The following MGST1 variants were observed in gnomAD, a reference collection of about 807,000 sequenced individuals.
The protein encoded by MGST1 is microsomal glutathione S-transferase 1, also known as glutathione S-transferase 12.
In MGST1, 5 loss-of-function variants were observed where a neutral mutation model predicts 8.9. That is an observed-to-expected ratio of 0.56 (90% CI 0.29 to 1.19). The LOEUF (loss-of-function observed/expected upper bound fraction) is 1.19. Among genes scored for constraint, MGST1 ranks in the 50% most tolerant of loss-of-function variants. The pLI is 0.08. For missense variants in MGST1, 182 were observed against 187.4 expected, an observed-to-expected ratio of 0.97 and a Z score of 0.17; for synonymous variants, 54 against 67.8, an observed-to-expected ratio of 0.80 and a Z score of 1.00.
intron 4 of MGST1, among the ~76,000 whole-genome samples, chr12:16,579,209 T>C (rs1047215441): frequency 6.6e-6 from 1 of 152,192 alleles, no homozygotes; most frequent in African/African-American, 2.4e-5. Flanking sequence ...ATAATTTAGA[T>C]ATTTAGGGTA....
At chr12:16,549,292 A>G (rs1194102925) in intron 4 of MGST1, 2 of 152,136 alleles carry the variant, frequency 1.3e-5, no homozygotes, top group East Asian at 3.8e-4. Flanking sequence ...TGGGCCCCAA[A>G]TAGCTACTTT....
At chr12:16,415,052 A>G (rs932440218) in intron 1 of MGST1, among the ~76,000 whole-genome samples, 9 of 152,098 alleles carry the variant, frequency 5.9e-5, no homozygotes, top group African/African-American at 1.7e-4. Context: ...GATAATTACT[A>G]TATGCTTTAG....
At chr12:16,399,243 GAAGA>G (rs1940631925) in intron 1 of MGST1, 1 of 1,578,936 alleles carries the variant, frequency 6.3e-7, no homozygotes, top group East Asian at 2.2e-5. Context: ...TTGGCTAGAG[GAAGA>G]AAGGAGCTCA....
At position 16,401,881 on chromosome 12, in the gene MGST1, T is replaced by G. The variant is rs1940657878; in HGVS notation, n.778+18277T>G. ...ATGCCAGCTGCTTTCTTCATTAATTTGAGCTCCCCATCCTCCCTTACAGCG... is the reference window on the plus strand; with the variant it reads ...ATGCCAGCTGCTTTCTTCATTAATTGGAGCTCCCCATCCTCCCTTACAGCG... On this transcript the variant is annotated intron_variant and non_coding_transcript_variant, in intron 1 of 1. Coordinates refer to the MGST1 transcript ENST00000359720. The surrounding 1 kb of genome is among the most constrained non-coding windows in gnomAD (Gnocchi z 4.3). 5 of 1,603,886 alleles carry G rather than the reference T, an allele frequency of 3.1e-6. No homozygotes were observed. The highest frequency in any genetic ancestry group is 4.3e-6 in the Non-Finnish European group (5 of 1,170,664).
chr12:16,505,522 A>C (rs1349945032), intron 4 of MGST1, among the ~76,000 whole-genome samples: 2 of 152,024 alleles, frequency 1.3e-5, no homozygotes, highest in Non-Finnish European at 2.9e-5. Flanking sequence ...CAGACTAAAA[A>C]CCCCTACGTA....
At chr12:16,488,345 C>T (rs2137153411) in intron 4 of MGST1, among the ~76,000 whole-genome samples, 1 of 152,146 alleles carries the variant, frequency 6.6e-6, no homozygotes, top group East Asian at 1.9e-4. Flanking sequence ...GGCCTCAGTT[C>T]CACCCTCCCT....
intron 4 of MGST1, among the ~76,000 whole-genome samples, chr12:16,475,570 G>A (rs903868059): frequency 6.6e-6 from 1 of 152,164 alleles, no homozygotes; most frequent in African/African-American, 2.4e-5. Context: ...CAGGTTTATA[G>A]TTCTGTTATT....
chr12:16,472,433 G>GC (rs1555105973), intron 4 of MGST1, among the ~76,000 whole-genome samples: 1 of 129,718 alleles, frequency 7.7e-6, no homozygotes, highest in Non-Finnish European at 1.7e-5. Flanking sequence ...CCTTCCTTCT[G>GC]TTTTTTTTTT....
chr12:16,414,361 T>TC (rs1940767392), intron 1 of MGST1, among the ~76,000 whole-genome samples: 1 of 148,844 alleles, frequency 6.7e-6, no homozygotes, highest in African/African-American at 2.4e-5. Flanking sequence ...TGATTTCTTT[T>TC]TTTTTTTTTT....
intron 1 of MGST1, among the ~76,000 whole-genome samples, chr12:16,390,331 C>T (rs1940540677): frequency 6.6e-6 from 1 of 152,114 alleles, no homozygotes; most frequent in African/African-American, 2.4e-5. Flanking sequence ...TAAACATATG[C>T]ATATTTGCTA....
At chr12:16,418,101 G>A (rs1230241009) in intron 1 of MGST1, among the ~76,000 whole-genome samples, 1 of 152,136 alleles carries the variant, frequency 6.6e-6, no homozygotes, top group African/African-American at 2.4e-5. Flanking sequence ...TCAAAGCAGG[G>A]CAAAGGGAAC....
intron 1 of MGST1, among the ~76,000 whole-genome samples, chr12:16,353,232 A>G (rs979035498): frequency 2.6e-5 from 4 of 151,968 alleles, no homozygotes; most frequent in East Asian, 1.9e-4. Flanking sequence ...ACGGGGTTTC[A>G]CTGTGTCAGC....
downstream of MGST1, among the ~76,000 whole-genome samples, chr12:16,441,987 A>G (rs938618423): frequency 6.6e-6 from 1 of 151,782 alleles, no homozygotes; most frequent in Non-Finnish European, 1.5e-5. Flanking sequence ...TGCTGTCAGT[A>G]TTCTGGATTT....
At chr12:16,504,064 T>C (rs1031160373) in intron 4 of MGST1, among the ~76,000 whole-genome samples, 1 of 152,162 alleles carries the variant, frequency 6.6e-6, no homozygotes, top group African/African-American at 2.4e-5. Context: ...GCCTCAATTT[T>C]GGGGCTTGCC....
At position 16,513,431 on chromosome 12, in the gene MGST1, G is replaced by A. The variant is rs949767195; in HGVS notation, n.483-76097G>A. 14 of 395,902 alleles carry A rather than the reference G, an allele frequency of 3.5e-5. No homozygotes were observed. The highest frequency in any genetic ancestry group is 5.9e-5 in the South Asian group (3 of 51,082). 24.5% of individuals were successfully genotyped at this position (395,902 alleles called of 1,614,324 possible). A position where few individuals can be genotyped will look rare whatever the true frequency, so the allele number is the denominator to read the frequency against. On this transcript the variant is annotated intron_variant and non_coding_transcript_variant, in intron 4 of 4. Transcript: ENST00000538857. This position sits in a 1 kb window ranked among gnomAD's most constrained non-coding sequence, Gnocchi z 4.2. ...CTCCAGCTGCGTCGTCTCCGGGATC[G>A]CCGCCGCCTTCCACCCGGGCTCGCC...
At chr12:16,408,962 T>C (rs113916726) in intron 1 of MGST1, among the ~76,000 whole-genome samples, 1,804 of 152,298 alleles carry the variant, frequency 0.012, 18 homozygotes, top group Non-Finnish European at 0.018. Flanking sequence ...TTTTAGAAGA[T>C]ACTTTTTTTC....
chr12:16,398,005 C>T (rs1364421941), intron 1 of MGST1, among the ~76,000 whole-genome samples: 1 of 151,586 alleles, frequency 6.6e-6, no homozygotes, highest in Admixed American at 6.6e-5. Flanking sequence ...ACAATTATTT[C>T]TCCATTTACT....
At chr12:16,387,719 GT>G (rs897949478) in intron 1 of MGST1, among the ~76,000 whole-genome samples, 2 of 151,992 alleles carry the variant, frequency 1.3e-5, no homozygotes, top group African/African-American at 4.8e-5. Context: ...GTAGAGACGG[GT>G]TTTCACCGTG....
intron 1 of MGST1, among the ~76,000 whole-genome samples, chr12:16,419,490 ATCT>A (rs1940815727): frequency 6.6e-6 from 1 of 152,112 alleles, no homozygotes; most frequent in Non-Finnish European, 1.5e-5. Context: ...AAAGGAAAAA[ATCT>A]CGACAATGAA....
Sources: allele counts gnomAD v4.1 joint callset (sites outside exome capture counted in the v4.1 genomes callset), GRCh38; gene constraint gnomAD v4.1.1; non-coding constraint Gnocchi (gnomAD v3.1); transcripts MANE v1.5; gene names NCBI Gene and HGNC (gene_info 2026-07-23, HGNC 2026-07-21).